Variants in PURG observed in about 807,000 individuals in gnomAD.
The protein encoded by PURG is purine-rich element-binding protein gamma.
A neutral mutation model predicts 24.3 loss-of-function variants in PURG; 3 were observed. That is an observed-to-expected ratio of 0.12 (90% CI 0.06 to 0.32). The LOEUF is 0.32. Ranked by LOEUF, PURG falls within the 10% of genes least tolerant of loss-of-function variation. The pLI is 1.00. For synonymous variants in PURG, 180 were observed against 173.1 expected, an observed-to-expected ratio of 1.04 and a Z score of -0.31; for missense variants, 371 against 439.1, an observed-to-expected ratio of 0.84 and a Z score of 1.39.
downstream of PURG, among the ~76,000 whole-genome samples, chr8:31,026,539 A>G (rs1811092234): frequency 6.6e-6 from 1 of 150,632 alleles, no homozygotes; most frequent in Non-Finnish European, 1.5e-5. Flanking sequence ...ATGATATCTA[A>G]GTTAAAAAAA....
At position 31,012,342 on chromosome 8, in the gene PURG, TATATA is replaced by T. The variant is rs532600968; in HGVS notation, c.865-15650_865-15646del. 3.4e-4 allele frequency among the ~76,000 whole-genome samples: 52 copies of T among 152,316 alleles called. No homozygotes were observed. In the East Asian group the frequency reaches 4.0e-3, roughly 12 times the overall value. On this transcript the variant is annotated intron_variant, in intron 1 of 1. Coordinates refer to the PURG transcript ENST00000339382. ...CAAAAGATAAGTCTTATTGATTATA[TATATA>T]ATATATCATGATCAACTAGTTTTTG... is the stretch of plus-strand genomic sequence containing the variant.
rs1306672905 is a variant in PURG, at chr8:31,031,666, T to C, written c.*73A>G. 4.4e-5 allele frequency: 62 copies of C among 1,406,112 alleles called. No individual in the cohort carries two copies. Among genetic ancestry groups the C allele is most frequent in the Non-Finnish European group, 5.8e-5 (61 of 1,059,040 alleles). 87.1% of individuals were successfully genotyped at this position (1,406,112 alleles called of 1,614,324 possible). ...GGGCCAAAAAAGAGGAAAAACTTCT[T>C]CAAAGGATAATGGATCAGTACTTTT... On this transcript the variant is annotated 3_prime_UTR_variant, in exon 2 of 2. Transcript: ENST00000523392.
chr8:31,022,124 C>T (rs1288061435), intron 1 of PURG, among the ~76,000 whole-genome samples: 3 of 152,050 alleles, frequency 2.0e-5, no homozygotes, highest in Admixed American at 6.6e-5. Flanking sequence ...GAGCGTGCCA[C>T]CATGCCTGGC....
At chr8:31,003,192 A>G (rs1810573334) in intron 1 of PURG, among the ~76,000 whole-genome samples, 1 of 152,220 alleles carries the variant, frequency 6.6e-6, no homozygotes, top group Non-Finnish European at 1.5e-5. Context: ...ATGAAATATG[A>G]AGATGGTAAA....
At chr8:31,011,734 AG>A (rs1810767533) in intron 1 of PURG, among the ~76,000 whole-genome samples, 2 of 152,220 alleles carry the variant, frequency 1.3e-5, no homozygotes, top group South Asian at 4.1e-4. Flanking sequence ...GCACACTTAA[AG>A]CTAATGGCAG....
At chr8:31,007,296 G>C (rs1039340016) in intron 1 of PURG, among the ~76,000 whole-genome samples, 2 of 152,118 alleles carry the variant, frequency 1.3e-5, no homozygotes, top group African/African-American at 4.8e-5. Flanking sequence ...ATGGTGGTCT[G>C]GTAAAAGCTG....
At chr8:31,022,235 T>C (rs1390112401) in intron 1 of PURG, among the ~76,000 whole-genome samples, 1 of 152,206 alleles carries the variant, frequency 6.6e-6, no homozygotes, top group Non-Finnish European at 1.5e-5. Flanking sequence ...CCTCCCAAAG[T>C]GCTGGGATTA....
chr8:31,013,606 G>A (rs1460305110), intron 1 of PURG, among the ~76,000 whole-genome samples: 4 of 152,260 alleles, frequency 2.6e-5, no homozygotes, highest in South Asian at 4.2e-4. Context: ...GCATGGTGGC[G>A]GGCGCCTGTA....
rs1376592463 is a variant in PURG at position 31,003,860 on chromosome 8, T to C, written c.865-7163A>G. Reference sequence around the variant, plus strand: ...TGGTATGTGACAATGTTTTGGGATCTCTTTGTGCTCCTGCAGCTCCTTATT... The same window carrying C: ...TGGTATGTGACAATGTTTTGGGATCCCTTTGTGCTCCTGCAGCTCCTTATT... On this transcript the variant is annotated intron_variant, in intron 1 of 1. Transcript: ENST00000339382. Among the ~76,000 whole-genome samples the C allele has an allele frequency of 3.9e-5, 6 of 152,314 alleles. No individual in the cohort carries two copies. In the East Asian group the frequency reaches 9.6e-4, roughly 24 times the overall value.
chr8:31,006,192 A>G (rs563500982), intron 1 of PURG, among the ~76,000 whole-genome samples: 7 of 152,310 alleles, frequency 4.6e-5, no homozygotes, highest in East Asian at 1.9e-4. Flanking sequence ...ACTACCTGAC[A>G]ATTCTAAAAA....
At chr8:31,003,314 A>G (rs1810576153) in intron 1 of PURG, among the ~76,000 whole-genome samples, 2 of 152,230 alleles carry the variant, frequency 1.3e-5, no homozygotes. Context: ...TATTTCAAGA[A>G]CGGGAATAAT....
At chr8:31,008,891 A>G (rs980420013) in intron 1 of PURG, among the ~76,000 whole-genome samples, 5 of 152,178 alleles carry the variant, frequency 3.3e-5, no homozygotes, top group Non-Finnish European at 7.4e-5. Flanking sequence ...ATTGCCTGAT[A>G]ACTTTAGGGG....
chr8:31,024,359 A>G (rs545401064), intron 1 of PURG, among the ~76,000 whole-genome samples: 1 of 152,300 alleles, frequency 6.6e-6, no homozygotes, highest in East Asian at 1.9e-4. Flanking sequence ...AGGGAACCTT[A>G]GCTTCCAGCA....
chr8:31,017,806 C>A (rs1211923024), intron 1 of PURG, among the ~76,000 whole-genome samples: 1 of 152,090 alleles, frequency 6.6e-6, no homozygotes, highest in African/African-American at 2.4e-5. Flanking sequence ...CTTCTTTCCA[C>A]CTTAATTAGC....
chr8:31,010,361 T>C (rs576435704), intron 1 of PURG, among the ~76,000 whole-genome samples: 14 of 152,150 alleles, frequency 9.2e-5, no homozygotes, highest in African/African-American at 3.4e-4. Flanking sequence ...GGCTCAGAGT[T>C]TGAGGCAGAG....
At chr8:31,015,195 T>C (rs934706716) in intron 1 of PURG, among the ~76,000 whole-genome samples, 4 of 152,188 alleles carry the variant, frequency 2.6e-5, no homozygotes, top group East Asian at 1.9e-4. Context: ...TCAATGGATA[T>C]AGCTTTTCAG....
In PURG at chr8:31,023,944, G is replaced by A. The variant is rs565401073; in HGVS notation, c.864+7975C>T. 2.0e-5 allele frequency among the ~76,000 whole-genome samples: 3 copies of A among 152,196 alleles called. No individual in the cohort carries two copies. The South Asian group carries it at 6.2e-4, about 32-fold the overall frequency. On this transcript the variant is annotated intron_variant, in intron 1 of 1. Transcript: ENST00000339382. ...TGATATTAATCTGTAAAATTCCTTT[G>A]CCATGCAGAATATAAAAAATGATTA...
In PURG at chr8:30,996,401, C is replaced by T. The variant is rs1810428437; in HGVS notation, c.*192G>A. ...ACAAAACCCAAAAACTGGATAGAGT[C>T]GAAAGGTACTTCAATGTGGTGGAAA... On this transcript the variant is annotated 3_prime_UTR_variant, in exon 2 of 2. Coordinates refer to the PURG transcript ENST00000339382. The T allele has an allele frequency of 1.8e-5, 8 of 444,654 alleles. No homozygotes were observed. The South Asian group carries it at 3.3e-4, about 19-fold the overall frequency. The allele number at this position is 444,654 out of a possible 1,614,324, so 27.5% of individuals were successfully genotyped here.
At chr8:31,016,887 TAA>T (rs1399238120) in intron 1 of PURG, among the ~76,000 whole-genome samples, 2 of 152,190 alleles carry the variant, frequency 1.3e-5, no homozygotes, top group African/African-American at 4.8e-5. Context: ...GTTTAATACT[TAA>T]GAGTATCTTT....
Sources: gnomAD v4.1 joint callset for allele counts (sites outside exome capture counted in the v4.1 genomes callset) on GRCh38, gnomAD v4.1.1 for gene constraint, MANE v1.5 for transcripts, NCBI Gene and HGNC (gene_info 2026-07-23, HGNC 2026-07-21) for gene names.